Variants in HNF1B observed in about 807,000 individuals in gnomAD.
HNF1B encodes the protein HNF1 homeobox B, also known as hepatocyte nuclear factor 1-beta.
A neutral mutation model predicts 61.7 loss-of-function variants in HNF1B; 8 were observed. The ratio of observed to expected loss-of-function variants is 0.13; its 90% CI spans 0.08 to 0.23. The LOEUF is 0.23. HNF1B is among the 10% of genes least tolerant of loss of function. HNF1B has a pLI of 1.00. For synonymous variants in HNF1B, 314 were observed against 287.7 expected (o/e 1.09, Z -0.93); for missense variants, 562 against 714.5 (o/e 0.79, Z 2.43).
intron 4 of HNF1B, among the ~76,000 whole-genome samples, chr17:37,713,138 T>A (rs2032991543): frequency 6.6e-6 from 1 of 152,088 alleles, no homozygotes; most frequent in Admixed American, 6.6e-5. Context: ...GCTATTTACC[T>A]CCCCGAGAGG....
chr17:37,692,911 C>G (rs2032253548), intron 8 of HNF1B, among the ~76,000 whole-genome samples: 1 of 152,086 alleles, frequency 6.6e-6, no homozygotes, highest in African/African-American at 2.4e-5. Context: ...AGTCACTAGG[C>G]CGGGTCCAGT....
Position 37,701,169 on chromosome 17 carries a change from T to C in HNF1B, c.1348A>G (p.Thr450Ala), listed in dbSNP as rs755609642. The C allele has an allele frequency of 1.9e-6, 3 of 1,549,858 alleles. No homozygotes were observed. In the South Asian group the frequency reaches 3.6e-5, roughly 18 times the overall value. Residue 450 changes from threonine (T) to alanine (A), a missense_variant, in exon 7 of 9, where the codon ACC becomes GCC. Thr to Ala is a moderately conservative substitution (Grantham distance 58, BLOSUM62 0). Transcript: ENST00000617811. ...ACAGGGACACTCTGTGCTTGGGAGG[T>C]GTTGAGGCCTGTGGGAGCAAGAGGA... ...GVMAIAQSLN[T>A]SQAQSVPVIN...
chr17:37,740,015 T>C (rs1253709767), intron 1 of HNF1B, among the ~76,000 whole-genome samples: 1 of 152,156 alleles, frequency 6.6e-6, no homozygotes, highest in Non-Finnish European at 1.5e-5. Context: ...TCACCCAGGC[T>C]GGAGTGCAAC....
In HNF1B at chr17:37,727,953, C is replaced by T. The variant is rs1454194287; in HGVS notation, c.1045+3642G>A. 2.6e-5 allele frequency among the ~76,000 whole-genome samples: 4 copies of T among 151,496 alleles called. No individual in the cohort carries two copies. The East Asian group carries it at 7.7e-4, about 29-fold the overall frequency. On this transcript the variant is annotated intron_variant, in intron 4 of 8. Transcript: ENST00000617811. ...CAGTCTTTGGGGTTGCTAGTGCTGA[C>T]GGTGGATTTTGGGCTCTCCTCAGCA...
chr17:37,714,377 T>G (rs1429889596), intron 4 of HNF1B, among the ~76,000 whole-genome samples: 1 of 152,240 alleles, frequency 6.6e-6, no homozygotes, highest in African/African-American at 2.4e-5. Flanking sequence ...CCTTCACCAA[T>G]GCAAGTTCTT....
At chr17:37,723,998 G>C (rs1019984062) in intron 4 of HNF1B, among the ~76,000 whole-genome samples, 11 of 152,204 alleles carry the variant, frequency 7.2e-5, no homozygotes, top group African/African-American at 1.4e-4. Flanking sequence ...CTGTAATTTT[G>C]TCACTGTGCT....
At chr17:37,695,055 G>T (rs1023513684) in intron 8 of HNF1B, among the ~76,000 whole-genome samples, 10 of 152,174 alleles carry the variant, frequency 6.6e-5, no homozygotes, top group Admixed American at 1.3e-4. Flanking sequence ...ATGGAAAAAA[G>T]GCACTGAAGT....
chr17:37,737,870 A>AAATAAC (rs1051864941), intron 2 of HNF1B, among the ~76,000 whole-genome samples: 5 of 152,094 alleles, frequency 3.3e-5, no homozygotes, highest in Admixed American at 2.6e-4. Flanking sequence ...AATAAAACAA[A>AAATAAC]AATAACAATA....
intron 4 of HNF1B, among the ~76,000 whole-genome samples, chr17:37,712,060 C>T (rs2032951585): frequency 6.6e-6 from 1 of 152,134 alleles, no homozygotes; most frequent in Admixed American, 6.5e-5. Flanking sequence ...TACCCAAGGC[C>T]GATATGACCT....
chr17:37,733,719 G>A lies in HNF1B; in HGVS notation c.647C>T (p.Pro216Leu). The A allele has an allele frequency of 2.5e-6, 4 of 1,614,206 alleles. No homozygotes were observed. Among genetic ancestry groups the A allele is most frequent in the Non-Finnish European group, 3.4e-6 (4 of 1,180,040 alleles). ...FPEFSQQSHGPGQSDDACSEP... is the reference protein window; with the variant it reads ...FPEFSQQSHGLGQSDDACSEP... ...AGAGCAGGCATCATCGGACTGCCCA[G>A]GCCCATGGCTCTGTTGACTGAACTC... Residue 216 changes from proline to leucine, a missense_variant, in exon 3 of 9, where the codon CCT becomes CTT. Transcript: ENST00000617811.
In HNF1B at chr17:37,687,346, C is replaced by G; in HGVS notation, c.*26G>C. On this transcript the variant is annotated 3_prime_UTR_variant, in exon 9 of 9. Coordinates refer to ENST00000617811, the MANE Select transcript of HNF1B (RefSeq NM_000458.4). ...GTGGAAAACAGGGTCCTTGTTGTTG[C>G]GCACGAAGTAAGTGGTGTGTGGGCA... 2 of 1,613,992 alleles carry G rather than the reference C, an allele frequency of 1.2e-6. No homozygotes were observed. Among genetic ancestry groups the G allele is most frequent in the East Asian group, 4.5e-5 (2 of 44,868 alleles).
At chr17:37,689,123 C>G (rs1038921922) in intron 8 of HNF1B, among the ~76,000 whole-genome samples, 1 of 130,300 alleles carries the variant, frequency 7.7e-6, no homozygotes, top group East Asian at 2.2e-4. Context: ...CCAGCCTGGG[C>G]GACAGAGCAA....
chr17:37,709,702 A>G (rs2032869875), intron 5 of HNF1B, among the ~76,000 whole-genome samples: 1 of 152,242 alleles, frequency 6.6e-6, no homozygotes. Context: ...CACGACAACA[A>G]CAACAATACT....
At chr17:37,688,452 T>A (rs2032065720) in intron 8 of HNF1B, among the ~76,000 whole-genome samples, 1 of 150,794 alleles carries the variant, frequency 6.6e-6, no homozygotes, top group South Asian at 2.1e-4. Flanking sequence ...TAAAGGCCAC[T>A]GTTATCGCAT....
At chr17:37,710,862 C>T (rs1486135034) in intron 4 of HNF1B, among the ~76,000 whole-genome samples, 199 bp from the exon 5 acceptor site, 2 of 152,194 alleles carry the variant, frequency 1.3e-5, no homozygotes, top group East Asian at 3.8e-4. Flanking sequence ...AGAATGTAAG[C>T]GCCACGAGGG....
In HNF1B at chr17:37,731,827, T is replaced by C. The variant is rs778434986; in HGVS notation, c.813A>G (p.Ala271=). The part of the protein sequence containing the change: ...REALVEECNR[A]ECLQRGVSPS... ...GGGACACCCCTCGCTGCAAACATTC[T>C]GCCCTGGGAATGGATGGAGGGGAGA... The change falls in exon 4 of 9, where the codon GCA becomes GCG. Residue 271 remains alanine (A), a synonymous_variant. Transcript: ENST00000617811. 4.4e-6 allele frequency: 6 copies of C among 1,368,210 alleles called. No homozygotes were observed. The highest frequency in any genetic ancestry group is 4.9e-6 in the Non-Finnish European group (5 of 1,017,604). 84.8% of individuals were successfully genotyped at this position (1,368,210 alleles called of 1,614,324 possible). A position where few individuals can be genotyped will look rare whatever the true frequency, so the allele number is the denominator to read the frequency against.
At chr17:37,688,164 A>C (rs563142207) in intron 8 of HNF1B, among the ~76,000 whole-genome samples, 1 of 152,160 alleles carries the variant, frequency 6.6e-6, no homozygotes, top group South Asian at 2.1e-4. Flanking sequence ...TGGCTGGAGA[A>C]GCCCTCGAGA....
intron 8 of HNF1B, among the ~76,000 whole-genome samples, chr17:37,690,166 A>G (rs150721474): frequency 6.6e-6 from 1 of 152,274 alleles, no homozygotes; most frequent in Non-Finnish European, 1.5e-5. Flanking sequence ...GTAACATTTG[A>G]GCTGAATGAA....
intron 8 of HNF1B, among the ~76,000 whole-genome samples, chr17:37,688,866 G>T (rs887702697): frequency 5.3e-5 from 8 of 152,316 alleles, no homozygotes; most frequent in Admixed American, 5.2e-4. Flanking sequence ...GGGGCTGAAG[G>T]CCTGGCGCAG....
Sources: gnomAD v4.1 joint callset for allele counts (sites outside exome capture counted in the v4.1 genomes callset) on GRCh38, gnomAD v4.1.1 for gene constraint, MANE v1.5 for transcripts, NCBI Gene and HGNC (gene_info 2026-07-23, HGNC 2026-07-21) for gene names.